Variants in TNR observed in about 807,000 individuals in gnomAD.
TNR encodes the protein tenascin-R.
A neutral mutation model predicts 150.4 loss-of-function variants in TNR; 45 were observed. That is an observed-to-expected ratio of 0.30 (90% confidence interval 0.24 to 0.38). TNR has a LOEUF of 0.38. Among genes scored for constraint, TNR ranks in the 10% least tolerant of loss-of-function variants. The probability of loss-of-function intolerance (pLI) is 1.00; values close to 1 mark genes in which losing one functional copy is unlikely to be tolerated. For synonymous variants in TNR, 687 were observed against 678.4 expected (o/e 1.01, Z -0.20); for missense variants, 1,544 against 1,759.1 (o/e 0.88, Z 2.19).
At chr1:175,358,030 G>A (rs979137760) in intron 15 of TNR, among the ~76,000 whole-genome samples, 5 of 152,206 alleles carry the variant, frequency 3.3e-5, no homozygotes, top group African/African-American at 9.6e-5. Flanking sequence ...ACGACTTGAA[G>A]GATGGGTTTT....
chr1:175,328,518 C>G (rs982811078), intron 21 of TNR, among the ~76,000 whole-genome samples: 14 of 152,212 alleles, frequency 9.2e-5, no homozygotes, highest in African/African-American at 3.4e-4. Context: ...ACCTTCTGAT[C>G]TAGAAAGAAC....
At chr1:175,596,042 C>T (rs560084006) in intron 1 of TNR, among the ~76,000 whole-genome samples, 3 of 152,208 alleles carry the variant, frequency 2.0e-5, no homozygotes, top group East Asian at 1.9e-4. Flanking sequence ...TAAGAAAATC[C>T]ACTTTTAAAA....
At chr1:175,442,083 G>T (rs889278012) in intron 2 of TNR, among the ~76,000 whole-genome samples, 1 of 152,186 alleles carries the variant, frequency 6.6e-6, no homozygotes, top group African/African-American at 2.4e-5. Context: ...CTGCAGAGGG[G>T]CTCCCTGTTT....
At chr1:175,535,084 A>G (rs1417759073) in intron 1 of TNR, among the ~76,000 whole-genome samples, 2 of 152,188 alleles carry the variant, frequency 1.3e-5, no homozygotes, top group Non-Finnish European at 1.5e-5. Context: ...TTGGGTATTT[A>G]TTCATAGCAA....
chr1:175,663,359 G>A (rs950813157), intron 1 of TNR, among the ~76,000 whole-genome samples: 2 of 152,220 alleles, frequency 1.3e-5, no homozygotes, highest in Non-Finnish European at 2.9e-5. Flanking sequence ...TTAGGAGCAG[G>A]GGGAAAACAG....
rs749340219 is a variant in TNR at position 175,330,100 on chromosome 1, C to T, written c.3767G>A (p.Arg1256His). 1.6e-5 allele frequency: 26 copies of T among 1,603,046 alleles called. No individual in the cohort carries two copies. The highest frequency in any genetic ancestry group is 2.2e-5 in the East Asian group (1 of 44,568). The change falls in exon 21 of 23, where the codon CGC (arginine) becomes CAC (histidine). Residue 1256 changes from arginine to histidine, a missense_variant. Arg to His is a conservative substitution (Grantham distance 29). Coordinates refer to ENST00000367674, the MANE Select transcript of TNR (RefSeq NM_003285.3). The stretch of plus-strand genomic sequence containing the variant: ...CGCAGTGCCGTTGTAGCTTCCTATG[C>T]GGAGTTTGTACAGGTTTCTGCTGTC... ...VEDSRNLYKL[R>H]IGSYNGTAGD...
At chr1:175,724,240 T>C (rs1246887435) in intron 1 of TNR, among the ~76,000 whole-genome samples, 2 of 152,178 alleles carry the variant, frequency 1.3e-5, no homozygotes, top group Non-Finnish European at 2.9e-5. Flanking sequence ...ACAGGAAGCA[T>C]GATGCTGGCA....
chr1:175,371,536 C>T (rs1040702146), intron 9 of TNR, among the ~76,000 whole-genome samples: 1 of 152,046 alleles, frequency 6.6e-6, no homozygotes, highest in African/African-American at 2.4e-5. Flanking sequence ...CCATAATATG[C>T]CTAGCACTAA....
At chr1:175,389,572 C>T (rs1391138722) in intron 7 of TNR, among the ~76,000 whole-genome samples, 1 of 152,216 alleles carries the variant, frequency 6.6e-6, no homozygotes, top group African/African-American at 2.4e-5. Context: ...GTCCATTATT[C>T]CTCAAACCTA....
intron 1 of TNR, among the ~76,000 whole-genome samples, chr1:175,652,771 A>G (rs1247760432): frequency 6.6e-6 from 1 of 152,184 alleles, no homozygotes; most frequent in Non-Finnish European, 1.5e-5. Flanking sequence ...CTGTGAGTCA[A>G]CTGAAACTCT....
chr1:175,506,595 C>A (rs1294632529), intron 2 of TNR, among the ~76,000 whole-genome samples: 2 of 152,204 alleles, frequency 1.3e-5, no homozygotes, highest in African/African-American at 2.4e-5. Context: ...TGTGAGGAGG[C>A]AGTGAGAAGA....
chr1:175,631,714 G>A (rs1558045972), intron 1 of TNR, among the ~76,000 whole-genome samples: 1 of 152,164 alleles, frequency 6.6e-6, no homozygotes, highest in East Asian at 1.9e-4. Flanking sequence ...GAGGGTGTGT[G>A]TGTTTGTGTG....
chr1:175,323,179 C>T lies in TNR; in HGVS notation c.*178G>A. The T allele has an allele frequency of 1.3e-6, 1 of 751,710 alleles. No individual in the cohort carries two copies. The highest frequency in any genetic ancestry group is 2.0e-6 in the Non-Finnish European group (1 of 491,536). The allele number at this position is 751,710 out of a possible 1,614,324, so 46.6% of individuals were successfully genotyped here. A position where few individuals can be genotyped will look rare whatever the true frequency, so the allele number is the denominator to read the frequency against. The stretch of plus-strand genomic sequence containing the variant: ...GAGAATGGAGACTGAGGGTCAGGCT[C>T]CAGGGCAGCAGAAACCAAGAGCAGA... On this transcript the variant is annotated 3_prime_UTR_variant, in exon 23 of 23. Coordinates refer to ENST00000367674, the MANE Select transcript of TNR (RefSeq NM_003285.3).
intron 14 of TNR, 84 bp from the exon 15 acceptor site, chr1:175,359,815 G>T: frequency 6.7e-7 from 1 of 1,497,380 alleles, no homozygotes; most frequent in South Asian, 1.3e-5. Context: ...TTCCACTCAT[G>T]GTGCAAGACT....
At chr1:175,493,136 T>C (rs1053469347) in intron 2 of TNR, among the ~76,000 whole-genome samples, 1 of 152,102 alleles carries the variant, frequency 6.6e-6, no homozygotes, top group Non-Finnish European at 1.5e-5. Context: ...TCCTCTCCTC[T>C]TCTCCTTGGC....
At chr1:175,488,095 C>A (rs1488076086) in intron 2 of TNR, among the ~76,000 whole-genome samples, 1 of 152,130 alleles carries the variant, frequency 6.6e-6, no homozygotes, top group Non-Finnish European at 1.5e-5. Context: ...TCTGTGCAAA[C>A]TGTGAGGTAG....
chr1:175,510,712 C>T (rs186712155), intron 2 of TNR, among the ~76,000 whole-genome samples: 337 of 152,270 alleles, frequency 2.2e-3, no homozygotes, highest in African/African-American at 7.5e-3. Flanking sequence ...GTATTATTTG[C>T]TTATTTCAAA....
At chr1:175,371,570 G>A (rs897375576) in intron 9 of TNR, among the ~76,000 whole-genome samples, 2 of 152,190 alleles carry the variant, frequency 1.3e-5, no homozygotes, top group African/African-American at 4.8e-5. Flanking sequence ...GAATAATGAC[G>A]AAGGGGAGGG....
chr1:175,561,691 G>C (rs1215263428), intron 1 of TNR, among the ~76,000 whole-genome samples: 1 of 152,204 alleles, frequency 6.6e-6, no homozygotes, highest in Non-Finnish European at 1.5e-5. Flanking sequence ...ACCTTAAAGA[G>C]TCAATCAAAT....
Sources: gnomAD v4.1 joint callset for allele counts (sites outside exome capture counted in the v4.1 genomes callset) on GRCh38, gnomAD v4.1.1 for gene constraint, MANE v1.5 for transcripts, NCBI Gene and HGNC (gene_info 2026-07-23, HGNC 2026-07-21) for gene names.